Variants in OAS1 observed in about 807,000 individuals in gnomAD.
OAS1 encodes 2'-5'-oligoadenylate synthase 1.
OAS1 carries 24 observed loss-of-function variants against 38.5 expected under a neutral mutation model. The observed-to-expected ratio is 0.62, with a 90% CI of 0.45 to 0.88. OAS1 has a LOEUF of 0.88. Among genes scored for constraint, OAS1 ranks in the 40% least tolerant of loss-of-function variants. The pLI, the probability that OAS1 is intolerant of heterozygous loss-of-function variation, is 0.00. For synonymous variants in OAS1, 169 were observed against 193.9 expected (o/e 0.87, Z 1.07); for missense variants, 482 against 493.9 (o/e 0.98, Z 0.23).
chr12:112,928,946 C>G (rs1157624466), intron 6 of OAS1, among the ~76,000 whole-genome samples: 1 of 152,166 alleles, frequency 6.6e-6, no homozygotes, highest in African/African-American at 2.4e-5. Context: ...CTACAGCAAT[C>G]CCAGGCCTGG....
intron 6 of OAS1, among the ~76,000 whole-genome samples, chr12:112,931,589 C>T (rs190669046): frequency 2.6e-5 from 4 of 152,356 alleles, no homozygotes; most frequent in East Asian, 3.9e-4. Context: ...AGAGGGCGCT[C>T]ATTTGCTCAT....
downstream of OAS1, among the ~76,000 whole-genome samples, chr12:112,921,565 A>C (rs1407259447): frequency 6.6e-6 from 1 of 152,128 alleles, no homozygotes; most frequent in Non-Finnish European, 1.5e-5. Flanking sequence ...ACATGGGCTT[A>C]CTCCAGAGTC....
chr12:112,913,239 T>C (rs762429324), intron 3 of OAS1, among the ~76,000 whole-genome samples: 66 of 152,242 alleles, frequency 4.3e-4, no homozygotes, highest in Non-Finnish European at 7.8e-4. Context: ...GCAGCTCTTT[T>C]ATAAGTAACC....
At chr12:112,924,227 T>C (rs1288594006), downstream of OAS1, among the ~76,000 whole-genome samples, 1 of 152,214 alleles carries the variant, frequency 6.6e-6, no homozygotes, top group Non-Finnish European at 1.5e-5. Context: ...TCTGCTCTTT[T>C]CCATTGGTCT....
At chr12:112,909,290 A>T (rs2136297795) in intron 2 of OAS1, among the ~76,000 whole-genome samples, 1 of 152,282 alleles carries the variant, frequency 6.6e-6, no homozygotes, top group Admixed American at 6.5e-5. Flanking sequence ...AAACCACACT[A>T]CCTGTATCAT....
chr12:112,916,801 G>A (rs2043466683), intron 4 of OAS1, 63 bp downstream of exon 4: 8 of 1,270,806 alleles, frequency 6.3e-6, no homozygotes, highest in Non-Finnish European at 9.2e-6. Context: ...CAGGTACAGT[G>A]CCTTGGAAAT....
chr12:112,911,475 C>T (rs889937375), intron 3 of OAS1, among the ~76,000 whole-genome samples: 1 of 151,980 alleles, frequency 6.6e-6, no homozygotes, highest in Non-Finnish European at 1.5e-5. Flanking sequence ...ACTGCTGTAT[C>T]CCCAGAACTT....
rs142314177 is a variant in OAS1 at position 112,908,770 on chromosome 12, C to T, written c.415C>T (p.Leu139Phe). Residue 139 changes from leucine to phenylalanine, a missense_variant, in exon 2 of 6, where the codon CTC (leucine) becomes TTC (phenylalanine). By Grantham distance (22) the Leu-to-Phe change is conservative. Coordinates refer to ENST00000202917, the MANE Select transcript of OAS1 (RefSeq NM_016816.4). ...PRALSFVLSS[L>F]QLGEGVEFDV... ...TGCGCTCAGCTTCGTACTGAGTTCG[C>T]TCCAGCTCGGGGAGGGGGTGGAGTT... 6.5e-5 allele frequency: 104 copies of T among 1,611,262 alleles called. No homozygotes were observed. The African/African-American group carries it at 8.8e-4, about 14-fold the overall frequency.
Position 112,911,054 on chromosome 12 carries a change from A to G in OAS1, c.473A>G (p.Gln158Arg). Residue 158 changes from glutamine (Q) to arginine (R), a missense_variant, in exon 3 of 6, where the codon CAG becomes CGG. By Grantham distance (43) the Gln-to-Arg change is conservative (BLOSUM62 1). Coordinates refer to ENST00000202917, the MANE Select transcript of OAS1 (RefSeq NM_016816.4). The stretch of plus-strand genomic sequence containing the variant: ...GTTGTAGATTTTGCCCGAACAGGTC[A>G]GTTGACTGGCGGCTATAAACCTAAC... Reference protein sequence around the residue: ...DVLPAFDALGQLTGGYKPNPQ... With the variant: ...DVLPAFDALGRLTGGYKPNPQ... 2.5e-6 allele frequency: 4 copies of G among 1,613,606 alleles called. No homozygotes were observed. Among genetic ancestry groups the G allele is most frequent in the Non-Finnish European group, 3.4e-6 (4 of 1,179,658 alleles).
chr12:112,917,600 C>G lies in OAS1; in HGVS notation c.938C>G (p.Pro313Arg), dbSNP rs1475297288. The change falls in exon 5 of 6, where the codon CCA (proline) becomes CGA (arginine). Residue 313 changes from proline to arginine, a missense_variant. By Grantham distance (103) the Pro-to-Arg change is moderately radical. Coordinates refer to ENST00000202917, the MANE Select transcript of OAS1 (RefSeq NM_016816.4). ...ACAGGAAACTTGGGTGGTGGAGACC[C>G]AAAGGGTTGGAGGCAGCTGGCACAA... ...DPTGNLGGGDPKGWRQLAQEA... is the reference protein window; with the variant it reads ...DPTGNLGGGDRKGWRQLAQEA... 5 of 1,614,044 alleles carry G rather than the reference C, an allele frequency of 3.1e-6. No homozygotes were observed. The East Asian group carries it at 1.1e-4, about 36-fold the overall frequency.
At position 112,907,170 on chromosome 12, in the gene OAS1, G is replaced by T; in HGVS notation, c.131G>T (p.Arg44Met). ...ATCATCTGTGGGTTCCTGAAGGAAA[G>T]GTGCTTCCGAGGTAGCTCCTACCCT... The part of the protein sequence containing the change: ...IDIICGFLKE[R>M]CFRGSSYPVC... Residue 44 changes from arginine to methionine, a missense_variant, in exon 1 of 6, where the codon AGG becomes ATG. Transcript: ENST00000202917. The T allele has an allele frequency of 6.2e-7, 1 of 1,614,200 alleles. No individual in the cohort carries two copies. Among genetic ancestry groups the T allele is most frequent in the Non-Finnish European group, 8.5e-7 (1 of 1,180,044 alleles).
intron 2 of OAS1, among the ~76,000 whole-genome samples, chr12:112,910,430 G>C (rs1022273612): frequency 1.3e-5 from 2 of 152,116 alleles, no homozygotes; most frequent in African/African-American, 4.8e-5. Context: ...AGAAAACTAA[G>C]TAGGGTGAAA....
At chr12:112,915,374 G>T (rs1309924966) in intron 3 of OAS1, among the ~76,000 whole-genome samples, 1 of 152,102 alleles carries the variant, frequency 6.6e-6, no homozygotes, top group African/African-American at 2.4e-5. Flanking sequence ...GTTGAATAGG[G>T]TGTCCTTTCC....
intron 4 of OAS1, chr12:112,917,017 T>C: frequency 2.4e-6 from 1 of 422,758 alleles, no homozygotes; most frequent in Non-Finnish European, 4.3e-6. Context: ...GTAAAATAGC[T>C]GCAGTTTGAA....
At chr12:112,907,326 T>A (rs1175551742) in intron 1 of OAS1, 107 bp downstream of exon 1, 1 of 1,120,740 alleles carries the variant, frequency 8.9e-7, no homozygotes, top group African/African-American at 1.6e-5. Context: ...GAACCCAGGG[T>A]GCAAATGTGA....
intron 2 of OAS1, among the ~76,000 whole-genome samples, chr12:112,909,519 A>G (rs1018366403): frequency 6.6e-6 from 1 of 152,172 alleles, no homozygotes; most frequent in African/African-American, 2.4e-5. Context: ...ACATTAGCCA[A>G]GTGTGGTGGT....
At position 112,919,570 on chromosome 12, in the gene OAS1, G is replaced by C. The variant is rs1565965564; in HGVS notation, c.*17G>C. 1.2e-6 allele frequency: 2 copies of C among 1,614,178 alleles called. No homozygotes were observed. Among genetic ancestry groups the C allele is most frequent in the Non-Finnish European group, 8.5e-7 (1 of 1,180,026 alleles). On this transcript the variant is annotated 3_prime_UTR_variant, in exon 6 of 6. Coordinates refer to ENST00000202917, the MANE Select transcript of OAS1 (RefSeq NM_016816.4). ...ATCCTCTGAATGCCAGTGCATCTTG[G>C]GGGAAAGGGCTCCAGTGTTATCTGG...
chr12:112,930,250 G>A (rs6489876), intron 6 of OAS1, among the ~76,000 whole-genome samples: 113,115 of 152,078 alleles, frequency 0.74, 43,367 homozygotes, highest in African/African-American at 0.94. Flanking sequence ...TCAGTACCAT[G>A]CTTCCTGTAA....
intron 2 of OAS1, chr12:112,909,165 G>A: frequency 2.5e-6 from 1 of 400,436 alleles, no homozygotes; most frequent in Non-Finnish European, 4.4e-6. Context: ...CCCAACATGA[G>A]ATCTCATCAA....
Sources: allele counts gnomAD v4.1 joint callset (sites outside exome capture counted in the v4.1 genomes callset), GRCh38; gene constraint gnomAD v4.1.1; transcripts MANE v1.5; gene names NCBI Gene and HGNC (gene_info 2026-07-23, HGNC 2026-07-21).